WWOX: variants seen among roughly 807,000 people sequenced by gnomAD.
The protein encoded by WWOX is WW domain containing oxidoreductase.
Under a neutral mutation model 46.2 loss-of-function variants are expected in WWOX, and 69 were observed. The observed-to-expected ratio is 1.49, with a 90% confidence interval of 1.23 to 1.82. The LOEUF (loss-of-function observed/expected upper bound fraction) is 1.82. Ranked by LOEUF, WWOX falls within the 40% of genes most tolerant of loss-of-function variation. The pLI, the probability that WWOX is intolerant of heterozygous loss-of-function variation, is 0.00. For missense variants in WWOX, 919 were observed against 542.6 expected (o/e 1.69, Z -6.89); for synonymous variants, 359 against 202.6 (o/e 1.77, Z -6.56).
chr16:78,490,989 C>T (rs1013179701), intron 8 of WWOX, among the ~76,000 whole-genome samples: 10 of 152,172 alleles, frequency 6.6e-5, no homozygotes, highest in African/African-American at 1.2e-4. Context: ...CCCGAGTGAC[C>T]GCTCCAGCCT....
intron 4 of WWOX, among the ~76,000 whole-genome samples, chr16:78,145,006 A>G (rs1387752498): frequency 6.6e-6 from 1 of 152,108 alleles, no homozygotes; most frequent in Non-Finnish European, 1.5e-5. Context: ...ACAGAAGTTA[A>G]GTCTATTAGT....
chr16:78,510,257 T>TA (rs2085329777), intron 8 of WWOX, among the ~76,000 whole-genome samples: 1 of 152,070 alleles, frequency 6.6e-6, no homozygotes, highest in Non-Finnish European at 1.5e-5. Flanking sequence ...TTGACCATGC[T>TA]AGAGGTGGCG....
At chr16:78,616,211 C>G (rs569903821) in intron 8 of WWOX, among the ~76,000 whole-genome samples, 2 of 145,782 alleles carry the variant, frequency 1.4e-5, no homozygotes, top group South Asian at 2.2e-4. Context: ...CACACACACA[C>G]TTTTGTGGTT....
intron 8 of WWOX, among the ~76,000 whole-genome samples, chr16:78,596,101 A>G (rs1229890572): frequency 6.6e-6 from 1 of 152,210 alleles, no homozygotes; most frequent in Non-Finnish European, 1.5e-5. Context: ...GTGTGACTAT[A>G]TATGTATTAT....
At chr16:78,994,180 G>A (rs1483485906) in intron 8 of WWOX, among the ~76,000 whole-genome samples, 3 of 152,102 alleles carry the variant, frequency 2.0e-5, no homozygotes, top group South Asian at 2.1e-4. Flanking sequence ...GCATCACATC[G>A]ATTCTCTCCT....
chr16:78,585,775 A>G (rs2045187044), intron 8 of WWOX, among the ~76,000 whole-genome samples: 1 of 148,730 alleles, frequency 6.7e-6, no homozygotes, highest in Non-Finnish European at 1.5e-5. Context: ...CTGCAACCCC[A>G]AGGCAGGGGG....
chr16:78,198,982 T>G (rs535121046), intron 5 of WWOX, among the ~76,000 whole-genome samples: 1 of 152,270 alleles, frequency 6.6e-6, no homozygotes, highest in African/African-American at 2.4e-5. Context: ...CACCCGTAAC[T>G]TCTGCTACTT....
intron 8 of WWOX, among the ~76,000 whole-genome samples, chr16:78,873,899 C>G (rs1290984080): frequency 6.6e-6 from 1 of 151,982 alleles, no homozygotes; most frequent in Non-Finnish European, 1.5e-5. Flanking sequence ...CAGGTCAGGT[C>G]CTAGTGTCTC....
At chr16:78,123,448 TTTTTTTG>T (rs1243473916) in intron 4 of WWOX, 1 of 25,516 alleles carries the variant, frequency 3.9e-5, no homozygotes, top group African/African-American at 1.8e-4. Flanking sequence ...TTGTTTTTTT[TTTTTTTG>T]TTTTTTTTTT....
At position 78,703,406 on chromosome 16, in the gene WWOX, A is replaced by G. The variant is rs561221832; in HGVS notation, c.1056+270654A>G. Among the ~76,000 whole-genome samples the G allele has an allele frequency of 2.6e-5, 4 of 152,162 alleles. No individual in the cohort carries two copies. The East Asian group carries it at 5.8e-4, about 22-fold the overall frequency. ...TGAGGTGGGAGGATTGCATGAGCTC[A>G]GGAGTTCAAGACCAGTGTGGGTAAC... On this transcript the variant is annotated intron_variant, in intron 8 of 8. Coordinates refer to ENST00000566780, the MANE Select transcript of WWOX (RefSeq NM_016373.4).
intron 8 of WWOX, among the ~76,000 whole-genome samples, chr16:78,607,939 A>G (rs1359722501): frequency 1.3e-5 from 2 of 152,194 alleles, no homozygotes; most frequent in East Asian, 1.9e-4. Flanking sequence ...GCTCTGAATT[A>G]TGGAAAGAAA....
chr16:78,689,296 C>G (rs991639090), intron 8 of WWOX, among the ~76,000 whole-genome samples: 1 of 152,198 alleles, frequency 6.6e-6, no homozygotes, highest in African/African-American at 2.4e-5. Flanking sequence ...TGTCTGCACG[C>G]CTTGTATTTT....
At chr16:78,235,231 A>G (rs1228165845) in intron 5 of WWOX, among the ~76,000 whole-genome samples, 1 of 152,214 alleles carries the variant, frequency 6.6e-6, no homozygotes, top group African/African-American at 2.4e-5. Flanking sequence ...AGTACTTTAA[A>G]ATCGAGTGTG....
Position 78,977,135 on chromosome 16 carries a change from A to G in WWOX, c.1057-234473A>G, listed in dbSNP as rs80233703. ...CTCTAATATCTTCCTCTTTACTCCC[A>G]TATGTGGTATCTCTGGTACCCTATA... On this transcript the variant is annotated intron_variant, in intron 8 of 8. Transcript: ENST00000566780. Among the ~76,000 whole-genome samples, 665 of 152,202 alleles carry G rather than the reference A, an allele frequency of 4.4e-3. 5 individuals carry two copies. The highest frequency in any genetic ancestry group is 0.015 in the African/African-American group (609 of 41,522).
chr16:79,205,253 C>G (rs1159483896), intron 8 of WWOX: 1 of 152,210 alleles, frequency 6.6e-6, no homozygotes, highest in East Asian at 1.9e-4. Context: ...TGGACTGGCA[C>G]TTTACTCTCT....
intron 8 of WWOX, among the ~76,000 whole-genome samples, chr16:79,019,182 A>G (rs200608487): frequency 1.8e-5 from 1 of 54,242 alleles, no homozygotes; most frequent in Non-Finnish European, 3.1e-5. Flanking sequence ...AAAAAAAAAA[A>G]AAAGAAAAAA....
chr16:78,766,146 G>C (rs1197872446), intron 8 of WWOX, among the ~76,000 whole-genome samples: 1 of 152,174 alleles, frequency 6.6e-6, no homozygotes, highest in Non-Finnish European at 1.5e-5. Flanking sequence ...GTGGGAACTG[G>C]GTCAGGTTCC....
intron 8 of WWOX, among the ~76,000 whole-genome samples, chr16:78,541,061 T>C (rs917886339): frequency 2.0e-5 from 3 of 152,208 alleles, no homozygotes; most frequent in Non-Finnish European, 2.9e-5. Flanking sequence ...TTAGATTTTT[T>C]AAAAGGCTTT....
chr16:78,224,071 T>G (rs375824061), intron 5 of WWOX, among the ~76,000 whole-genome samples: 119 of 152,262 alleles, frequency 7.8e-4, no homozygotes, highest in African/African-American at 2.6e-3. Context: ...TGGGGTGATC[T>G]CAGCTCATTG....
Sources: allele counts gnomAD v4.1 joint callset (sites outside exome capture counted in the v4.1 genomes callset), GRCh38; gene constraint gnomAD v4.1.1; transcripts MANE v1.5; gene names NCBI Gene and HGNC (gene_info 2026-07-23, HGNC 2026-07-21).